Variants in TMC7 observed in about 807,000 individuals in gnomAD.
The protein encoded by TMC7 is transmembrane channel-like protein 7.
TMC7 carries 54 observed loss-of-function variants against 82.9 expected under a neutral mutation model. The observed-to-expected ratio is 0.65, with a 90% CI of 0.52 to 0.82. The LOEUF is 0.82. Among genes scored for constraint, TMC7 ranks in the 40% least tolerant of loss-of-function variants. TMC7 has a pLI of 0.00. For missense variants in TMC7, 820 were observed against 901.2 expected, an observed-to-expected ratio of 0.91 and a Z score of 1.15; for synonymous variants, 350 against 337.9, an observed-to-expected ratio of 1.04 and a Z score of -0.39.
intron 2 of TMC7, among the ~76,000 whole-genome samples, chr16:19,010,651 C>A (rs149503377): frequency 2.0e-5 from 3 of 152,140 alleles, no homozygotes; most frequent in Admixed American, 2.0e-4. Context: ...AATAAATCAC[C>A]CCACAACGGA....
chr16:19,043,908 C>T (rs755929623), intron 9 of TMC7, among the ~76,000 whole-genome samples: 8 of 150,734 alleles, frequency 5.3e-5, no homozygotes, highest in Non-Finnish European at 1.0e-4. Context: ...CTTGCTCTGT[C>T]GCCCAGGCTG....
Position 19,062,636 on chromosome 16 carries a change from T to C in TMC7, c.*793T>C, listed in dbSNP as rs887026265. 1.3e-5 allele frequency: 2 copies of C among 152,430 alleles called. No homozygotes were observed. Among genetic ancestry groups the C allele is most frequent in the Admixed American group, 1.3e-4 (2 of 15,248 alleles). The allele number at this position is 152,430 out of a possible 1,614,324, so 9.4% of individuals were successfully genotyped here. On this transcript the variant is annotated 3_prime_UTR_variant, in exon 16 of 16. Coordinates refer to ENST00000304381, the MANE Select transcript of TMC7 (RefSeq NM_024847.4). ...AGCAAAACTCTCCCTAAAAAAAAAA[T>C]GTAGAATATCTCTTAAGATTTCCGT...
At chr16:19,049,663 G>A (rs1961436721) in intron 12 of TMC7, 2 of 985,052 alleles carry the variant, frequency 2.0e-6, no homozygotes, top group African/African-American at 3.5e-5. Flanking sequence ...CAGACACTGT[G>A]GGGTGATGGG....
In TMC7 at chr16:19,009,358, T is replaced by C; in HGVS notation, c.254T>C (p.Leu85Pro). 1.2e-6 allele frequency: 2 copies of C among 1,614,136 alleles called. No individual in the cohort carries two copies. Among genetic ancestry groups the C allele is most frequent in the Non-Finnish European group, 1.7e-6 (2 of 1,180,032 alleles). ...SQLEDRIAEN[L>P]SSHSLRNYAL... ...CTGGAGGACAGAATCGCTGAAAACC[T>C]CAGCAGCCATTCTCTTCGAAATTAT... The change falls in exon 2 of 16, where the codon CTC (leucine) becomes CCC (proline). Residue 85 changes from leucine to proline, a missense_variant. Leu to Pro is a moderately conservative substitution (Grantham distance 98). Around this residue, in one of 2 missense-constraint regions of TMC7, gnomAD observed 650 missense variants for 669.9 expected, o/e 0.97. Transcript: ENST00000304381.
intron 2 of TMC7, among the ~76,000 whole-genome samples, chr16:19,009,881 C>G (rs1280132155): frequency 6.9e-6 from 1 of 145,406 alleles, no homozygotes; most frequent in Non-Finnish European, 1.5e-5. Context: ...GCAGAGCTTG[C>G]AGTGAGCCGA....
intron 12 of TMC7, 124 bp from the exon 13 acceptor site, chr16:19,051,562 C>A: frequency 8.8e-7 from 1 of 1,131,092 alleles, no homozygotes; most frequent in Non-Finnish European, 1.3e-6. Context: ...ATCTGTATTG[C>A]TGGACTACCC....
chr16:19,042,454 C>T (rs1023458667), intron 9 of TMC7, among the ~76,000 whole-genome samples: 5 of 151,790 alleles, frequency 3.3e-5, no homozygotes, highest in African/African-American at 4.8e-5. Context: ...GGATTACAGG[C>T]TTATGAGCCA....
At chr16:19,021,540 TC>T in intron 3 of TMC7, 88 bp from the exon 4 acceptor site, 4 of 1,417,718 alleles carry the variant, frequency 2.8e-6, no homozygotes, top group Non-Finnish European at 3.9e-6. Flanking sequence ...TACTGATTCC[TC>T]CAGCTTCAGC....
At chr16:18,996,923 G>A (rs780054235) in intron 1 of TMC7, among the ~76,000 whole-genome samples, 2 of 152,354 alleles carry the variant, frequency 1.3e-5, no homozygotes, top group African/African-American at 2.4e-5. Flanking sequence ...CATGACTAGC[G>A]CCGGAGTTTT....
chr16:19,044,105 T>C (rs906811677), intron 9 of TMC7, among the ~76,000 whole-genome samples: 2 of 151,978 alleles, frequency 1.3e-5, no homozygotes, highest in African/African-American at 4.8e-5. Flanking sequence ...TGACCTCAGG[T>C]GATCCCTCTG....
At chr16:18,997,282 T>C (rs769048549) in intron 1 of TMC7, among the ~76,000 whole-genome samples, 1 of 152,248 alleles carries the variant, frequency 6.6e-6, no homozygotes, top group Non-Finnish European at 1.5e-5. Context: ...ATGGCTTAGC[T>C]TGGGCTCAGA....
chr16:19,053,349 CTTTCCCATGTCCATGGA>C (rs1485655082), intron 13 of TMC7, among the ~76,000 whole-genome samples: 2 of 149,482 alleles, frequency 1.3e-5, no homozygotes, highest in Non-Finnish European at 1.5e-5. Flanking sequence ...ATATTGTATC[CTTTCCCATGTCCATGGA>C]CATACTAAAC....
intron 1 of TMC7, among the ~76,000 whole-genome samples, chr16:18,989,785 G>T (rs569289040): frequency 6.6e-6 from 1 of 151,658 alleles, no homozygotes; most frequent in Non-Finnish European, 1.5e-5. Context: ...GCCTGCTCAG[G>T]TGGGGTGGTC....
chr16:19,053,114 G>A (rs545218047), intron 13 of TMC7, among the ~76,000 whole-genome samples: 1 of 152,176 alleles, frequency 6.6e-6, no homozygotes, highest in Admixed American at 6.5e-5. Flanking sequence ...GTACAGAAGG[G>A]TGTAAATTGA....
Position 18,995,625 on chromosome 16 carries a change from G to A in TMC7, c.67+11495G>A, listed in dbSNP as rs183414589. Among the ~76,000 whole-genome samples the A allele has an allele frequency of 2.6e-3, 400 of 152,306 alleles. 1 individual carries two copies. Among genetic ancestry groups the A allele is most frequent in the Non-Finnish European group, 4.0e-3 (269 of 68,026 alleles). On this transcript the variant is annotated intron_variant, in intron 1 of 15. Transcript: ENST00000304381. ...CTGGGGGAGGCGGTCCTGGAGGAACGCCTGGCCGCTGCGGTTCAGACGTTT... is the reference window on the plus strand; with the variant it reads ...CTGGGGGAGGCGGTCCTGGAGGAACACCTGGCCGCTGCGGTTCAGACGTTT...
intron 1 of TMC7, among the ~76,000 whole-genome samples, chr16:18,988,156 CTT>C (rs760359195): frequency 7.1e-4 from 91 of 128,876 alleles, no homozygotes; most frequent in Non-Finnish European, 6.9e-4. Context: ...TTCTCTCTTT[CTT>C]TTTTTTTTTT....
chr16:19,009,023 TG>T, intron 1 of TMC7, 148 bp from the exon 2 acceptor site: 1 of 884,144 alleles, frequency 1.1e-6, no homozygotes. Context: ...AGCACCACTG[TG>T]GTAAATAAAA....
intron 13 of TMC7, 141 bp from the exon 14 acceptor site, chr16:19,056,401 G>A (rs985021957): frequency 6.0e-5 from 60 of 998,730 alleles, no homozygotes; most frequent in South Asian, 4.9e-4. Context: ...AAGCATTTTC[G>A]ACTCAAACAT....
chr16:19,012,429 A>G (rs928531481), intron 2 of TMC7, among the ~76,000 whole-genome samples: 3 of 152,076 alleles, frequency 2.0e-5, no homozygotes, highest in South Asian at 2.1e-4. Context: ...TCACTGGAAA[A>G]ATGAAACTAA....
Sources: gnomAD v4.1 joint callset for allele counts (sites outside exome capture counted in the v4.1 genomes callset) on GRCh38, gnomAD v4.1.1 for gene constraint, gnomAD v4.1.1 regional missense constraint, MANE v1.5 for transcripts, NCBI Gene and HGNC (gene_info 2026-07-23, HGNC 2026-07-21) for gene names.